Variants in FMN1 observed in about 807,000 individuals in gnomAD.
FMN1 encodes formin-1.
Under a neutral mutation model 132.4 loss-of-function variants are expected in FMN1, and 110 were observed. The ratio of observed to expected loss-of-function variants is 0.83; its 90% CI spans 0.71 to 0.97. The LOEUF (loss-of-function observed/expected upper bound fraction) is 0.97, where lower values mean the gene tolerates loss of function less well. Ranked by LOEUF, FMN1 falls within the 50% of genes least tolerant of loss-of-function variation. The probability of loss-of-function intolerance (pLI) is 0.00; values close to 1 mark genes in which losing one functional copy is unlikely to be tolerated. For synonymous variants in FMN1, 722 were observed against 651.7 expected (o/e 1.11, Z -1.64); for missense variants, 1,792 against 1,705.3 (o/e 1.05, Z -0.90).
chr15:32,809,548 A>T (rs2057801306), intron 17 of FMN1, among the ~76,000 whole-genome samples: 1 of 152,068 alleles, frequency 6.6e-6, no homozygotes, highest in Non-Finnish European at 1.5e-5. Flanking sequence ...TCTGGACTTA[A>T]CTTGCTGCAT....
At chr15:33,018,552 G>A (rs2035210933) in intron 6 of FMN1, among the ~76,000 whole-genome samples, 2 of 152,188 alleles carry the variant, frequency 1.3e-5, no homozygotes, top group South Asian at 2.1e-4. Context: ...TTCCCAGAGG[G>A]TGGTGCGCCC....
At position 32,945,129 on chromosome 15, in the gene FMN1, T is replaced by C. The variant is rs373279607; in HGVS notation, c.3139-18868A>G. 8.5e-5 allele frequency among the ~76,000 whole-genome samples: 13 copies of C among 152,298 alleles called. No homozygotes were observed. The East Asian group carries it at 2.3e-3, about 27-fold the overall frequency. Reference sequence around the variant, plus strand: ...TCTAATAATCTTCTAGGTGATTATGTTGCTGCTGGTCCATGGACATTTTGA... The same window carrying C: ...TCTAATAATCTTCTAGGTGATTATGCTGCTGCTGGTCCATGGACATTTTGA... On this transcript the variant is annotated intron_variant, in intron 9 of 20. Transcript: ENST00000616417.
rs542597037 is a variant in FMN1 at position 32,900,207 on chromosome 15, C to T, written c.3508-82G>A. 27 of 1,455,870 alleles carry T rather than the reference C, an allele frequency of 1.9e-5. No homozygotes were observed. In the African/African-American group the frequency reaches 3.7e-4, roughly 20 times the overall value. 90.2% of individuals were successfully genotyped at this position (1,455,870 alleles called of 1,614,324 possible). The stretch of plus-strand genomic sequence containing the variant: ...TTCAGTAACAAATATCGACTGTGTA[C>T]TCAATAGGCTGTCGGGAGGCTTGGT... On this transcript the variant is annotated intron_variant, in intron 13 of 20. Transcript: ENST00000616417.
At chr15:32,957,006 C>T (rs995487572) in intron 9 of FMN1, among the ~76,000 whole-genome samples, 2 of 152,142 alleles carry the variant, frequency 1.3e-5, no homozygotes, top group African/African-American at 4.8e-5. Flanking sequence ...AAAATTTCAA[C>T]AGACTAGTAT....
intron 17 of FMN1, among the ~76,000 whole-genome samples, chr15:32,821,449 C>CTT (rs34336647): frequency 0.016 from 1,798 of 110,776 alleles, 96 homozygotes; most frequent in South Asian, 0.021. Context: ...ATATTTAAAT[C>CTT]TTTTTTTTTT....
At position 32,939,422 on chromosome 15, in the gene FMN1, A is replaced by G. The variant is rs190911038; in HGVS notation, c.3139-13161T>C. Among the ~76,000 whole-genome samples the G allele has an allele frequency of 3.9e-4, 60 of 152,336 alleles. No homozygotes were observed. The East Asian group carries it at 9.8e-3, about 25-fold the overall frequency. On this transcript the variant is annotated intron_variant, in intron 9 of 20. Coordinates refer to ENST00000616417, the MANE Select transcript of FMN1 (RefSeq NM_001277313.2). Reference sequence around the variant, plus strand: ...CTGATGAAGAGAACAAGAAAAAGTGATAACAAAGATGTGGAACATGACAAA... The same window carrying G: ...CTGATGAAGAGAACAAGAAAAAGTGGTAACAAAGATGTGGAACATGACAAA...
intron 6 of FMN1, among the ~76,000 whole-genome samples, chr15:33,030,800 T>C (rs752686961): frequency 2.0e-5 from 3 of 152,162 alleles, no homozygotes; most frequent in Non-Finnish European, 4.4e-5. Context: ...TAAACTCAAA[T>C]AATCTATATA....
At chr15:33,038,777 C>T (rs1476742824) in intron 6 of FMN1, among the ~76,000 whole-genome samples, 1 of 152,122 alleles carries the variant, frequency 6.6e-6, no homozygotes, top group Non-Finnish European at 1.5e-5. Context: ...GAGACTTTCA[C>T]CTGTTGTTGG....
chr15:32,950,054 C>CATATATATATATACACACATATAT (rs1567449834), intron 9 of FMN1, among the ~76,000 whole-genome samples: 1 of 4,916 alleles, frequency 2.0e-4, no homozygotes, highest in Non-Finnish European at 5.3e-4. Flanking sequence ...TATATATACA[C>CATATATATATATACACACATATAT]ATATATATAT....
chr15:33,078,158 G>A (rs1362591871), intron 5 of FMN1, among the ~76,000 whole-genome samples: 5 of 152,162 alleles, frequency 3.3e-5, no homozygotes, highest in African/African-American at 4.8e-5. Flanking sequence ...GTTCTTTAAC[G>A]TCTCTAAGAT....
intron 14 of FMN1, 70 bp from the exon 15 acceptor site, chr15:32,898,963 G>T (rs1027319904): frequency 9.5e-7 from 1 of 1,057,548 alleles, no homozygotes; most frequent in Non-Finnish European, 1.4e-6. Flanking sequence ...GTTGAGAGGT[G>T]AAATCTCAGT....
chr15:33,016,439 G>A (rs1566828470), intron 6 of FMN1, among the ~76,000 whole-genome samples: 2 of 152,300 alleles, frequency 1.3e-5, no homozygotes, highest in South Asian at 2.1e-4. Flanking sequence ...CGAGTCCTCT[G>A]TTTCCCTTCC....
At chr15:33,104,418 A>G (rs1158928501) in intron 4 of FMN1, among the ~76,000 whole-genome samples, 1 of 152,186 alleles carries the variant, frequency 6.6e-6, no homozygotes, top group African/African-American at 2.4e-5. Context: ...GAAGCACCAA[A>G]TAATTTATTT....
intron 6 of FMN1, among the ~76,000 whole-genome samples, chr15:33,025,661 T>A (rs917404838): frequency 6.6e-6 from 1 of 152,314 alleles, no homozygotes; most frequent in African/African-American, 2.4e-5. Context: ...AGGAACTATA[T>A]ATTATCTGAA....
intron 17 of FMN1, among the ~76,000 whole-genome samples, chr15:32,810,249 C>A (rs184071586): frequency 2.0e-5 from 3 of 152,312 alleles, no homozygotes; most frequent in African/African-American, 7.2e-5. Context: ...GAAAAGTACA[C>A]AACAGAAGAA....
chr15:33,150,768 A>G (rs1452389207), intron 4 of FMN1: 2 of 985,834 alleles, frequency 2.0e-6, no homozygotes, highest in Non-Finnish European at 2.4e-6. Flanking sequence ...CATCACTTCA[A>G]TAAAAATACC....
chr15:32,995,083 G>T (rs78624471), intron 7 of FMN1, among the ~76,000 whole-genome samples: 3,251 of 151,974 alleles, frequency 0.021, 85 homozygotes, highest in East Asian at 0.14. Context: ...AAAATACTCA[G>T]CCTATCACAC....
chr15:33,046,088 GTATAT>G (rs949846896), intron 6 of FMN1, among the ~76,000 whole-genome samples: 7 of 152,092 alleles, frequency 4.6e-5, no homozygotes, highest in South Asian at 4.1e-4. Context: ...TATATAAAAT[GTATAT>G]TATATCACAT....
At chr15:32,925,209 G>A (rs753948375) in intron 10 of FMN1, among the ~76,000 whole-genome samples, 1 of 152,146 alleles carries the variant, frequency 6.6e-6, no homozygotes, top group African/African-American at 2.4e-5. Flanking sequence ...CTCCCTAGAA[G>A]TATTCCAGCT....
Sources: gnomAD v4.1 joint callset for allele counts (sites outside exome capture counted in the v4.1 genomes callset) on GRCh38, gnomAD v4.1.1 for gene constraint, MANE v1.5 for transcripts, NCBI Gene and HGNC (gene_info 2026-07-23, HGNC 2026-07-21) for gene names.